Variants in NCK2 observed in about 807,000 individuals in gnomAD.
The protein encoded by NCK2 is NCK adaptor protein 2.
A neutral mutation model predicts 33.9 loss-of-function variants in NCK2; 16 were observed. That is an observed-to-expected ratio of 0.47 (90% CI 0.32 to 0.72). The LOEUF is 0.72. Among genes scored for constraint, NCK2 ranks in the 30% least tolerant of loss-of-function variants. The pLI is 0.03. For synonymous variants in NCK2, 273 were observed against 239.9 expected, an observed-to-expected ratio of 1.14 and a Z score of -1.27; for missense variants, 418 against 537.3, an observed-to-expected ratio of 0.78 and a Z score of 2.19.
intron 1 of NCK2, among the ~76,000 whole-genome samples, chr2:105,804,096 G>A (rs1261904755): frequency 1.3e-5 from 2 of 152,134 alleles, no homozygotes. Flanking sequence ...TATACATAGA[G>A]GCAGTGGCGA....
chr2:105,768,096 A>G (rs1690006435), intron 1 of NCK2, among the ~76,000 whole-genome samples: 1 of 152,254 alleles, frequency 6.6e-6, no homozygotes, highest in African/African-American at 2.4e-5. Flanking sequence ...CAGTAACCAC[A>G]TGAAAAAGGC....
intron 3 of NCK2, among the ~76,000 whole-genome samples, chr2:105,877,925 T>G (rs2104649462): frequency 6.6e-6 from 1 of 152,316 alleles, no homozygotes; most frequent in South Asian, 2.1e-4. Flanking sequence ...ACAGGACTGT[T>G]GTGAGGGTTT....
intron 2 of NCK2, among the ~76,000 whole-genome samples, chr2:105,835,409 G>GTATATATATATATATACGTA (rs1380016345): frequency 1.7e-5 from 1 of 59,328 alleles, no homozygotes; most frequent in African/African-American, 6.1e-5. Flanking sequence ...ATATATACGT[G>GTATATATATATATATACGTA]TATATATATA....
intron 2 of NCK2, chr2:105,848,645 G>A (rs1450806841): frequency 1.3e-5 from 2 of 152,110 alleles, no homozygotes; most frequent in Admixed American, 1.3e-4. Context: ...CTGAGTTAGT[G>A]GATGTGTGCT....
chr2:105,822,421 G>A (rs1343396744), intron 2 of NCK2, among the ~76,000 whole-genome samples: 1 of 151,954 alleles, frequency 6.6e-6, no homozygotes, highest in Non-Finnish European at 1.5e-5. Context: ...GTACAGGCCA[G>A]GGGACTTTGT....
intron 1 of NCK2, among the ~76,000 whole-genome samples, chr2:105,801,307 G>C (rs1406510622): frequency 2.0e-5 from 3 of 152,076 alleles, no homozygotes; most frequent in Non-Finnish European, 4.4e-5. Context: ...CGTCATTGTA[G>C]GGATCCCCCA....
chr2:105,758,006 A>G (rs1374923508), intron 1 of NCK2, among the ~76,000 whole-genome samples: 1 of 152,162 alleles, frequency 6.6e-6, no homozygotes, highest in Admixed American at 6.5e-5. Context: ...CAGGGCCTGG[A>G]TGAAGCTCAG....
chr2:105,760,685 G>A (rs1171746940), intron 1 of NCK2, among the ~76,000 whole-genome samples: 4 of 152,056 alleles, frequency 2.6e-5, no homozygotes, highest in Non-Finnish European at 5.9e-5. Flanking sequence ...TCCAGTGAAG[G>A]GAGAAACCAG....
At position 105,809,597 on chromosome 2, in the gene NCK2, A is replaced by G. The variant is rs148185353; in HGVS notation, c.-200-6833A>G. 3.7e-3 allele frequency among the ~76,000 whole-genome samples: 570 copies of G among 152,284 alleles called. 1 individual carries two copies. Among genetic ancestry groups the G allele is most frequent in the African/African-American group, 0.013 (553 of 41,554 alleles). On this transcript the variant is annotated intron_variant, in intron 1 of 4. Transcript: ENST00000233154. ...TTAAAGACCTTTTCACTGTCACATT[A>G]TGAAGTACTGGGTGTTGAGACTTCA...
At chr2:105,888,793 G>A in intron 4 of NCK2, among the ~76,000 whole-genome samples, 1 of 152,280 alleles carries the variant, frequency 6.6e-6, no homozygotes, top group East Asian at 1.9e-4. Flanking sequence ...AGTACATTCA[G>A]GCAGCCCTAC....
intron 1 of NCK2, among the ~76,000 whole-genome samples, chr2:105,789,454 G>A (rs1690798144): frequency 6.6e-6 from 1 of 152,188 alleles, no homozygotes; most frequent in African/African-American, 2.4e-5. Context: ...CTCCCAAGGT[G>A]CTGGGCTTAC....
intron 3 of NCK2, among the ~76,000 whole-genome samples, chr2:105,870,065 C>A (rs1167286062): frequency 6.6e-6 from 1 of 152,190 alleles, no homozygotes; most frequent in South Asian, 2.1e-4. Context: ...TTTGCCCCAA[C>A]ACCTCCCTTT....
At chr2:105,781,363 C>T (rs1278769664) in intron 1 of NCK2, among the ~76,000 whole-genome samples, 2 of 152,228 alleles carry the variant, frequency 1.3e-5, no homozygotes, top group Non-Finnish European at 2.9e-5. Context: ...GCTTCCACCT[C>T]CACCACTCAT....
chr2:105,889,389 G>T (rs1490015164), intron 4 of NCK2, among the ~76,000 whole-genome samples: 2 of 152,280 alleles, frequency 1.3e-5, no homozygotes, highest in Non-Finnish European at 2.9e-5. Flanking sequence ...ACATTTGTTG[G>T]TGGCTCCAGC....
At chr2:105,747,452 T>C (rs914247147) in intron 1 of NCK2, among the ~76,000 whole-genome samples, 1 of 152,148 alleles carries the variant, frequency 6.6e-6, no homozygotes, top group Admixed American at 6.5e-5. Context: ...GCTGCGAGGC[T>C]CTATGGGACA....
intron 1 of NCK2, among the ~76,000 whole-genome samples, chr2:105,748,942 A>C (rs1293948719): frequency 2.0e-5 from 3 of 152,190 alleles, no homozygotes; most frequent in Admixed American, 6.5e-5. Context: ...CTACTGTGGA[A>C]GGCTTTGACC....
At chr2:105,760,483 A>C (rs1156666632) in intron 1 of NCK2, among the ~76,000 whole-genome samples, 1 of 152,138 alleles carries the variant, frequency 6.6e-6, no homozygotes, top group Non-Finnish European at 1.5e-5. Flanking sequence ...GCCAGGAGTC[A>C]GGCCCTCACC....
chr2:105,863,841 G>A (rs1219540357), intron 3 of NCK2, among the ~76,000 whole-genome samples: 2 of 152,280 alleles, frequency 1.3e-5, no homozygotes, highest in South Asian at 2.1e-4. Flanking sequence ...TGAACAAGCC[G>A]CTGAAGCTTC....
intron 1 of NCK2, among the ~76,000 whole-genome samples, chr2:105,769,567 C>A (rs1249753327): frequency 1.3e-5 from 2 of 152,178 alleles, no homozygotes; most frequent in Non-Finnish European, 2.9e-5. Flanking sequence ...AGTTAGGCAT[C>A]CATGGCTGCA....
Sources: allele counts gnomAD v4.1 joint callset (sites outside exome capture counted in the v4.1 genomes callset), GRCh38; gene constraint gnomAD v4.1.1; transcripts MANE v1.5; gene names NCBI Gene and HGNC (gene_info 2026-07-23, HGNC 2026-07-21).